BCAR1: variants seen among roughly 807,000 people sequenced by gnomAD.
BCAR1 encodes the protein BCAR1 scaffold protein, Cas family member, also known as breast cancer anti-estrogen resistance protein 1.
A neutral mutation model predicts 67.6 loss-of-function variants in BCAR1; 30 were observed. The ratio of observed to expected loss-of-function variants is 0.44; its 90% CI spans 0.33 to 0.60. The LOEUF is 0.60. BCAR1 is among the 20% of genes least tolerant of loss of function. BCAR1 has a pLI of 0.02. For synonymous variants in BCAR1, 626 were observed against 556.7 expected (o/e 1.12, Z -1.75); for missense variants, 1,313 against 1,222.3 (o/e 1.07, Z -1.11).
chr16:75,263,561 C>T (rs1417975912), intron 1 of BCAR1: 1 of 985,476 alleles, frequency 1.0e-6, no homozygotes, highest in Non-Finnish European at 1.2e-6. Context: ...AAGGTGACAC[C>T]AGCTGATCCC....
At chr16:75,265,794 G>C (rs1387480143) in intron 1 of BCAR1, 7 of 1,197,798 alleles carry the variant, frequency 5.8e-6, no homozygotes, top group Non-Finnish European at 7.2e-6. Flanking sequence ...GGGGACAGCC[G>C]GCCCGGGGTC....
chr16:75,251,652 C>T (rs1385582684), upstream of BCAR1: 18 of 998,388 alleles, frequency 1.8e-5, no homozygotes, highest in Non-Finnish European at 1.8e-5. Flanking sequence ...CGCCACGGCC[C>T]AGCCGGCCCA....
intron 1 of BCAR1, among the ~76,000 whole-genome samples, chr16:75,261,021 A>G (rs1273368546): frequency 1.3e-5 from 2 of 152,166 alleles, no homozygotes; most frequent in Non-Finnish European, 2.9e-5. Context: ...AAATGACTGA[A>G]AAACCTTCCC....
exon 1 of BCAR1, chr16:75,267,971 G>C (rs1299340311): frequency 1.3e-6 from 2 of 1,595,220 alleles, no homozygotes; most frequent in African/African-American, 1.3e-5. Flanking sequence ...GCCTCACCAG[G>C]GCAGTGCATG....
chr16:75,265,966 C>T (rs556381799), intron 1 of BCAR1: 4 of 1,066,180 alleles, frequency 3.8e-6, no homozygotes, highest in Non-Finnish European at 4.5e-6. Context: ...CTGAGCGTTC[C>T]CGGACGCCGG....
At chr16:75,234,070 GACGCACACACACACTAGCACACGTGGAC>G (rs2084475059) in intron 5 of BCAR1, 135 bp from the exon 6 acceptor site, 1 of 740,962 alleles carries the variant, frequency 1.3e-6, no homozygotes, top group African/African-American at 1.8e-5. Context: ...CGCACACGTG[GACGCACACACACACTAGCACACGTGGAC>G]ACACACACAC....
intron 1 of BCAR1, among the ~76,000 whole-genome samples, chr16:75,262,642 C>T (rs544824269): frequency 1.2e-4 from 19 of 152,242 alleles, no homozygotes; most frequent in African/African-American, 4.6e-4. Flanking sequence ...GCTATGAACC[C>T]CAGGGCAGGC....
intron 6 of BCAR1, among the ~76,000 whole-genome samples, chr16:75,233,065 A>T (rs1302958985): frequency 6.6e-6 from 1 of 152,174 alleles, no homozygotes; most frequent in African/African-American, 2.4e-5. Flanking sequence ...TCTGCATATA[A>T]ACACAGCAGT....
Position 75,237,222 on chromosome 16 carries a change from G to A in BCAR1, c.756C>T (p.Pro252=), listed in dbSNP as rs1389948925. 16 of 1,567,196 alleles carry A rather than the reference G, an allele frequency of 1.0e-5. No individual in the cohort carries two copies. The East Asian group carries it at 3.8e-4, about 37-fold the overall frequency. The part of the protein sequence containing the change: ...APGPQDIYDV[P]PVRGLLPSQY... ...GGCTGGGAAGCAGCCCCCGAACCGG[G>A]GGCACATCATAGATGTCCTGTGGCC... Residue 252 remains proline (P), a synonymous_variant, in exon 3 of 7, where the codon CCC becomes CCT. Coordinates refer to ENST00000162330, the MANE Select transcript of BCAR1 (RefSeq NM_014567.5).
chr16:75,264,390 T>C, intron 1 of BCAR1: 1 of 1,532,470 alleles, frequency 6.5e-7, no homozygotes, highest in Admixed American at 2.0e-5. Context: ...CTTGTCCCTC[T>C]GCCCAGTGCC....
intron 1 of BCAR1, among the ~76,000 whole-genome samples, chr16:75,243,839 G>A (rs892486962): frequency 2.0e-5 from 3 of 152,222 alleles, no homozygotes; most frequent in Admixed American, 1.3e-4. Flanking sequence ...CAGGCAGGGA[G>A]GCCTCGCAGT....
chr16:75,229,926 G>A lies in BCAR1; in HGVS notation c.2198C>T (p.Thr733Ile), dbSNP rs2076834322. 6.2e-7 allele frequency: 1 copy of A among 1,606,856 alleles called. No homozygotes were observed. The highest frequency in any genetic ancestry group is 8.5e-7 in the Non-Finnish European group (1 of 1,175,024). Residue 733 changes from threonine (T) to isoleucine (I), a missense_variant, in exon 7 of 7, where the codon ACA (threonine) becomes ATA (isoleucine). Physicochemically the swap from Thr to Ile is moderately conservative, Grantham distance 89. Around this residue, in one of 2 missense-constraint regions of BCAR1, gnomAD observed 1,272 missense variants for 1,137.5 expected, o/e 1.12. Coordinates refer to ENST00000162330, the MANE Select transcript of BCAR1 (RefSeq NM_014567.5). Reference protein sequence around the residue: ...TPAQPLAPGRTGGLGPSDRQL... With the variant: ...TPAQPLAPGRIGGLGPSDRQL... ...CCGGTCCGAGGGCCCCAGGCCGCCT[G>A]TTCGCCCCGGGGCCAGGGGTTGGGC...
chr16:75,258,799 G>A (rs1243041932), intron 1 of BCAR1, among the ~76,000 whole-genome samples: 1 of 152,244 alleles, frequency 6.6e-6, no homozygotes, highest in Non-Finnish European at 1.5e-5. Context: ...GACGCAGGGA[G>A]TCTCCCTCTA....
chr16:75,265,972 G>T (rs1363618745), intron 1 of BCAR1: 5 of 1,062,320 alleles, frequency 4.7e-6, no homozygotes, highest in Non-Finnish European at 5.7e-6. Context: ...GTTCCCGGAC[G>T]CCGGACTGTC....
chr16:75,253,935 A>G (rs1275682432), upstream of BCAR1, among the ~76,000 whole-genome samples: 4 of 151,554 alleles, frequency 2.6e-5, no homozygotes, highest in African/African-American at 9.7e-5. Context: ...TTGTGCACAC[A>G]GCAATCCTGC....
intron 1 of BCAR1, chr16:75,246,231 A>G (rs2077520239): frequency 1.3e-5 from 2 of 152,144 alleles, no homozygotes; most frequent in African/African-American, 2.4e-5. Flanking sequence ...TCGGACTCCC[A>G]AAGTGCTGGG....
At position 75,229,661 on chromosome 16, in the gene BCAR1, G is replaced by A. The variant is rs1195917344; in HGVS notation, c.2463C>T (p.Asp821=). Residue 821 remains aspartate (D), a synonymous_variant, in exon 7 of 7, where the codon GAC becomes GAT. Coordinates refer to ENST00000162330, the MANE Select transcript of BCAR1 (RefSeq NM_014567.5). ...TGGTGGCCACGATGCCGCGCAGGAG[G>A]TCGCACAGCAGGTTGCTGTAGTGGG... The part of the protein sequence containing the change: ...QVTHYSNLLC[D]LLRGIVATTK... The A allele has an allele frequency of 6.2e-7, 1 of 1,612,726 alleles. No homozygotes were observed.
chr16:75,235,580 G>A lies in BCAR1; in HGVS notation c.1319C>T (p.Ser440Phe). 1 of 1,593,818 alleles carries A rather than the reference G, an allele frequency of 6.3e-7. No homozygotes were observed. The highest frequency in any genetic ancestry group is 8.5e-7 in the Non-Finnish European group (1 of 1,170,460). Residue 440 changes from serine (S) to phenylalanine (F), a missense_variant, in exon 5 of 7, where the codon TCT becomes TTT. Coordinates refer to ENST00000162330, the MANE Select transcript of BCAR1 (RefSeq NM_014567.5). ...CCCTGCCACCTCCAAGGAGGACGCA[G>A]ACTGGCTGCTGCGTGTGCTGCCGGT... ...SSTGSTRSSQ[S>F]ASSLEVAGPG...
Position 75,235,597 on chromosome 16 carries a change from G to A in BCAR1, c.1302C>T (p.Ser434=), listed in dbSNP as rs765381072. ...AGGACGCAGACTGGCTGCTGCGTGTGCTGCCGGTGCTGGAGGCCGACAGGC... is the reference window on the plus strand; with the variant it reads ...AGGACGCAGACTGGCTGCTGCGTGTACTGCCGGTGCTGGAGGCCGACAGGC... The part of the protein sequence containing the change: ...GKRLSASSTG[S]TRSSQSASSL... Residue 434 remains serine (S), a synonymous_variant, in exon 5 of 7, where the codon AGC becomes AGT. Coordinates refer to ENST00000162330, the MANE Select transcript of BCAR1 (RefSeq NM_014567.5). 1.9e-6 allele frequency: 3 copies of A among 1,590,642 alleles called. No homozygotes were observed. Among genetic ancestry groups the A allele is most frequent in the African/African-American group, 1.3e-5 (1 of 74,496 alleles).
Sources: allele counts gnomAD v4.1 joint callset (sites outside exome capture counted in the v4.1 genomes callset), GRCh38; gene constraint gnomAD v4.1.1; regional missense constraint gnomAD v4.1.1; transcripts MANE v1.5; gene names NCBI Gene and HGNC (gene_info 2026-07-23, HGNC 2026-07-21).